The following ARHGEF9 variants were observed in gnomAD, a reference collection of about 807,000 sequenced individuals.
ARHGEF9 encodes rho guanine nucleotide exchange factor 9.
ARHGEF9 carries 2 observed loss-of-function variants against 41.3 expected under a neutral mutation model. The ratio of observed to expected loss-of-function variants is 0.05; its 90% CI spans 0.02 to 0.15. The LOEUF is 0.15. Ranked by LOEUF, ARHGEF9 falls within the 10% of genes least tolerant of loss-of-function variation. ARHGEF9 has a pLI of 1.00. For missense variants in ARHGEF9, 225 were observed against 424.7 expected, an observed-to-expected ratio of 0.53 and a Z score of 4.13; for synonymous variants, 160 against 154.4, an observed-to-expected ratio of 1.04 and a Z score of -0.27.
intron 8 of ARHGEF9, among the ~76,000 whole-genome samples, chrX:63,646,901 T>A (rs2048128277): frequency 9.0e-6 from 1 of 111,513 alleles, no homozygotes; most frequent in Admixed American, 9.6e-5. Context: ...CCTCTTTTAT[T>A]TCATTGAGCA....
intron 1 of ARHGEF9, among the ~76,000 whole-genome samples, chrX:63,781,672 C>A (rs1334343124): frequency 8.9e-6 from 1 of 111,981 alleles, no homozygotes. Context: ...TCACAGTTCT[C>A]GTCCTTGTCC....
intron 1 of ARHGEF9, among the ~76,000 whole-genome samples, chrX:63,726,083 A>G (rs2053946068): frequency 8.9e-6 from 1 of 112,289 alleles, no homozygotes; most frequent in African/African-American, 3.2e-5. Flanking sequence ...CTTTGACTTA[A>G]GTTAACATGT....
chrX:63,761,567 A>G (rs1355041656), intron 1 of ARHGEF9, among the ~76,000 whole-genome samples: 2 of 111,714 alleles, frequency 1.8e-5, no homozygotes, highest in East Asian at 2.8e-4. Flanking sequence ...GAGAATACCA[A>G]TCTTCACCCT....
intron 1 of ARHGEF9, among the ~76,000 whole-genome samples, chrX:63,765,470 C>T (rs1378159571): frequency 9.0e-6 from 1 of 110,896 alleles, no homozygotes; most frequent in African/African-American, 3.3e-5. Context: ...CCAGCCCTTA[C>T]AATCTTATTT....
chrX:63,673,904 T>G, intron 6 of ARHGEF9, 134 bp downstream of exon 6: 1 of 859,979 alleles, frequency 1.2e-6, no homozygotes. Context: ...AGCAAGAAAT[T>G]TTACCTTGAG....
intron 6 of ARHGEF9, among the ~76,000 whole-genome samples, chrX:63,673,636 G>C (rs1454123072): frequency 5.4e-5 from 6 of 110,872 alleles, no homozygotes. Context: ...AAGTATGTTG[G>C]CTGTCCTGCA....
intron 1 of ARHGEF9, among the ~76,000 whole-genome samples, chrX:63,737,841 T>C (rs1194880337): frequency 8.9e-6 from 1 of 111,987 alleles, no homozygotes. Context: ...GTTACCCAGC[T>C]ATCCCAGGAG....
chrX:63,652,471 C>T (rs1327472907), intron 8 of ARHGEF9, among the ~76,000 whole-genome samples: 1 of 111,172 alleles, frequency 9.0e-6, no homozygotes, highest in Non-Finnish European at 1.9e-5. Context: ...GGAGGATGTA[C>T]ATAGGTTATA....
chrX:63,741,477 C>T (rs1284180998), intron 1 of ARHGEF9, among the ~76,000 whole-genome samples: 31 of 112,591 alleles, frequency 2.8e-4, no homozygotes, highest in Admixed American at 2.7e-3. Context: ...AAGGGAAGGA[C>T]GTGTTCTGCA....
intron 7 of ARHGEF9, among the ~76,000 whole-genome samples, chrX:63,661,028 C>A (rs1298131038): frequency 8.9e-6 from 1 of 112,009 alleles, no homozygotes; most frequent in Non-Finnish European, 1.9e-5. Context: ...CCTGATTTGA[C>A]ACTGAGGAAA....
intron 1 of ARHGEF9, among the ~76,000 whole-genome samples, chrX:63,734,793 G>T (rs782752303): frequency 2.7e-5 from 3 of 111,814 alleles, no homozygotes; most frequent in Non-Finnish European, 5.6e-5. Flanking sequence ...AGTTCTAACA[G>T]CAAGTCCTAG....
rs527389578 is a variant in ARHGEF9, at chrX:63,637,516, G to GA, written c.*511dup. The GA allele has an allele frequency of 8.4e-5, 23 of 272,234 alleles. No homozygotes were observed. The East Asian group carries it at 8.9e-4, about 11-fold the overall frequency. The allele number at this position is 272,234 out of a possible 1,213,427, so 22.4% of individuals were successfully genotyped here. On this transcript the variant is annotated 3_prime_UTR_variant, in exon 10 of 10. Coordinates refer to ENST00000671741, the MANE Select transcript of ARHGEF9 (RefSeq NM_001353921.2). ...TTCCTCAATGGAAAGTAAAAGAGGGGAAAAAACCCTGAAACCTCCCAACTC... is the reference window on the plus strand; with the variant it reads ...TTCCTCAATGGAAAGTAAAAGAGGGGAAAAAAACCCTGAAACCTCCCAACTC...
chrX:63,721,355 A>G (rs1229619336), intron 2 of ARHGEF9, among the ~76,000 whole-genome samples: 2 of 111,005 alleles, frequency 1.8e-5, no homozygotes, highest in Non-Finnish European at 3.8e-5. Context: ...GCCAGAAACC[A>G]GAGAAATAAA....
intron 4 of ARHGEF9, among the ~76,000 whole-genome samples, chrX:63,687,015 C>T (rs782398129): frequency 9.5e-6 from 1 of 105,591 alleles, no homozygotes; most frequent in South Asian, 4.6e-4. Context: ...CTCTTGAATG[C>T]CTGCAGAGTA....
chrX:63,669,444 G>A (rs1231440783), intron 6 of ARHGEF9, among the ~76,000 whole-genome samples: 3 of 111,551 alleles, frequency 2.7e-5, no homozygotes, highest in East Asian at 2.8e-4. Context: ...ATAATTTCAC[G>A]TATTTGCTCA....
chrX:63,720,037 C>T (rs1433088688), intron 2 of ARHGEF9, among the ~76,000 whole-genome samples: 1 of 111,480 alleles, frequency 9.0e-6, no homozygotes, highest in African/African-American at 3.3e-5. Flanking sequence ...CACTATAACA[C>T]GCATGCCCAG....
intron 2 of ARHGEF9, among the ~76,000 whole-genome samples, chrX:63,707,688 C>T (rs187264445): frequency 4.5e-5 from 5 of 111,968 alleles, no homozygotes; most frequent in African/African-American, 1.6e-4. Flanking sequence ...GCTAAAATCA[C>T]ACAATTTAGA....
At chrX:63,644,372 C>A in intron 8 of ARHGEF9, 1 of 142,095 alleles carries the variant, frequency 7.0e-6, no homozygotes, top group Non-Finnish European at 1.4e-5. Flanking sequence ...TATTTTGTAA[C>A]CAAAAGCAAA....
chrX:63,774,073 CTAT>C (rs1556456595), intron 1 of ARHGEF9, among the ~76,000 whole-genome samples: 3 of 109,255 alleles, frequency 2.7e-5, no homozygotes, highest in African/African-American at 1.0e-4. Flanking sequence ...ATCTATCTAT[CTAT>C]CTATCTATCT....
Sources: gnomAD v4.1 joint callset for allele counts (sites outside exome capture counted in the v4.1 genomes callset) on GRCh38, gnomAD v4.1.1 for gene constraint, MANE v1.5 for transcripts, NCBI Gene and HGNC (gene_info 2026-07-23, HGNC 2026-07-21) for gene names.